AKAP6: variants seen among roughly 807,000 people sequenced by gnomAD.
AKAP6 encodes the protein A-kinase anchoring protein 6.
In AKAP6, 58 loss-of-function variants were observed where a neutral mutation model predicts 188.5. That is an observed-to-expected ratio of 0.31 (90% CI 0.25 to 0.38). AKAP6 has a LOEUF of 0.38. AKAP6 is among the 10% of genes least tolerant of loss of function. The probability of loss-of-function intolerance (pLI) is 1.00; values close to 1 mark genes in which losing one functional copy is unlikely to be tolerated. For missense variants in AKAP6, 2,710 were observed against 2,740.0 expected (o/e 0.99, Z 0.24); for synonymous variants, 989 against 998.6 (o/e 0.99, Z 0.18).
chr14:32,539,765 G>T (rs975202112), intron 3 of AKAP6, among the ~76,000 whole-genome samples: 6 of 152,142 alleles, frequency 3.9e-5, no homozygotes, highest in South Asian at 4.1e-4. Flanking sequence ...CTTCACAGTT[G>T]CTTGTCATTA....
At chr14:32,660,113 T>C (rs966259243) in intron 7 of AKAP6, among the ~76,000 whole-genome samples, 2 of 152,174 alleles carry the variant, frequency 1.3e-5, no homozygotes, top group African/African-American at 4.8e-5. Context: ...GACGTGAATG[T>C]GTCCATTAAT....
chr14:32,360,621 C>T (rs9322898), intron 1 of AKAP6, among the ~76,000 whole-genome samples: 55,899 of 151,646 alleles, frequency 0.37, 11,377 homozygotes, highest in African/African-American at 0.55. Context: ...TATAGGCTCA[C>T]GGATATTTAT....
intron 1 of AKAP6, among the ~76,000 whole-genome samples, chr14:32,368,279 A>G (rs770313921): frequency 1.9e-4 from 29 of 152,194 alleles, no homozygotes; most frequent in Admixed American, 1.0e-3. Context: ...TTAAGATCGT[A>G]TCAGCCTATT....
chr14:32,407,020 AT>A (rs944450127), intron 1 of AKAP6, among the ~76,000 whole-genome samples: 2 of 152,168 alleles, frequency 1.3e-5, no homozygotes, highest in Non-Finnish European at 2.9e-5. Flanking sequence ...ATTCTGGATC[AT>A]TTTATACCAT....
At chr14:32,414,494 C>G (rs1356367054) in intron 1 of AKAP6, among the ~76,000 whole-genome samples, 1 of 152,062 alleles carries the variant, frequency 6.6e-6, no homozygotes, top group African/African-American at 2.4e-5. Context: ...AAATGATGCT[C>G]TGAATATTAT....
intron 1 of AKAP6, among the ~76,000 whole-genome samples, chr14:32,404,713 A>ATATATATATATATATATATATATATAT (rs1566485643): frequency 8.3e-4 from 8 of 9,608 alleles, no homozygotes; most frequent in Non-Finnish European, 2.5e-3. Flanking sequence ...TATATATATT[A>ATATATATATATATATATATATATATAT]GTCAGAATGT....
chr14:32,715,658 A>G (rs1007979400), intron 9 of AKAP6, among the ~76,000 whole-genome samples: 4 of 151,994 alleles, frequency 2.6e-5, no homozygotes, highest in African/African-American at 7.2e-5. Context: ...ATAGCTTGGC[A>G]TGTTCCTAGG....
At chr14:32,803,023 G>A (rs923307690) in intron 12 of AKAP6, among the ~76,000 whole-genome samples, 6 of 152,154 alleles carry the variant, frequency 3.9e-5, no homozygotes, top group Non-Finnish European at 5.9e-5. Flanking sequence ...GCTTGAACTC[G>A]GGAGGCAGAG....
intron 7 of AKAP6, among the ~76,000 whole-genome samples, chr14:32,640,593 C>T (rs1472007141): frequency 6.6e-6 from 1 of 152,060 alleles, no homozygotes; most frequent in African/African-American, 2.4e-5. Flanking sequence ...TTAAAATAAG[C>T]CAGTTATTCA....
chr14:32,686,179 G>C (rs574408889), intron 8 of AKAP6, among the ~76,000 whole-genome samples: 6 of 151,606 alleles, frequency 4.0e-5, no homozygotes, highest in Non-Finnish European at 7.4e-5. Context: ...AGTGAAATTC[G>C]CCAGGCACAA....
At chr14:32,697,589 A>G (rs1055855726) in intron 9 of AKAP6, among the ~76,000 whole-genome samples, 91 of 152,188 alleles carry the variant, frequency 6.0e-4, no homozygotes, top group African/African-American at 2.1e-3. Context: ...ATTGAGCCAA[A>G]TGGGAAAAAT....
At chr14:32,481,099 C>G (rs1879317853) in intron 2 of AKAP6, among the ~76,000 whole-genome samples, 1 of 151,934 alleles carries the variant, frequency 6.6e-6, no homozygotes, top group African/African-American at 2.4e-5. Flanking sequence ...ATTATGTAGC[C>G]AACTCTCTTA....
intron 8 of AKAP6, among the ~76,000 whole-genome samples, chr14:32,694,859 A>G (rs1010462685): frequency 3.9e-5 from 6 of 152,220 alleles, no homozygotes; most frequent in Non-Finnish European, 2.9e-5. Flanking sequence ...AGGTAGTAAT[A>G]AAATACTCAA....
chr14:32,372,025 A>G (rs1888025382), intron 1 of AKAP6, among the ~76,000 whole-genome samples: 1 of 151,424 alleles, frequency 6.6e-6, no homozygotes, highest in Non-Finnish European at 1.5e-5. Context: ...ACATATTTAT[A>G]AGTACCTACT....
chr14:32,669,460 G>A (rs1889085859), intron 7 of AKAP6, among the ~76,000 whole-genome samples: 1 of 152,262 alleles, frequency 6.6e-6, no homozygotes, highest in South Asian at 2.1e-4. Context: ...AATAAGGTGA[G>A]TTATTTTAGG....
At chr14:32,548,601 A>G (rs1447222338) in intron 4 of AKAP6, among the ~76,000 whole-genome samples, 11 of 152,054 alleles carry the variant, frequency 7.2e-5, no homozygotes, top group Non-Finnish European at 1.0e-4. Context: ...AAGAGATGGT[A>G]GGTAGCTAGA....
intron 1 of AKAP6, among the ~76,000 whole-genome samples, chr14:32,394,631 C>A (rs956215790): frequency 5.3e-5 from 8 of 152,200 alleles, no homozygotes; most frequent in Non-Finnish European, 1.0e-4. Flanking sequence ...AATGTACACA[C>A]ACATGTATAG....
At chr14:32,649,876 G>A (rs1055986845) in intron 7 of AKAP6, among the ~76,000 whole-genome samples, 2 of 152,126 alleles carry the variant, frequency 1.3e-5, no homozygotes, top group African/African-American at 4.8e-5. Flanking sequence ...ATGACGAGAA[G>A]GCACAAGATT....
intron 1 of AKAP6, among the ~76,000 whole-genome samples, chr14:32,356,325 G>A (rs949622548): frequency 4.6e-5 from 7 of 151,942 alleles, no homozygotes; most frequent in African/African-American, 7.3e-5. Context: ...CATGTCTTGC[G>A]GACTCACAGG....
Sources: gnomAD v4.1 joint callset for allele counts (sites outside exome capture counted in the v4.1 genomes callset) on GRCh38, gnomAD v4.1.1 for gene constraint, MANE v1.5 for transcripts, NCBI Gene and HGNC (gene_info 2026-07-23, HGNC 2026-07-21) for gene names.